The following ENTPD7 variants were observed in gnomAD, a reference collection of about 807,000 sequenced individuals.
The protein encoded by ENTPD7 is ectonucleoside triphosphate diphosphohydrolase 7.
Under a neutral mutation model 77.9 loss-of-function variants are expected in ENTPD7, and 53 were observed. That is an observed-to-expected ratio of 0.68 (90% CI 0.55 to 0.85). The LOEUF is 0.85. Ranked by LOEUF, ENTPD7 falls within the 40% of genes least tolerant of loss-of-function variation. The pLI is 0.00. For missense variants in ENTPD7, 636 were observed against 743.7 expected, an observed-to-expected ratio of 0.86 and a Z score of 1.68; for synonymous variants, 248 against 274.9, an observed-to-expected ratio of 0.90 and a Z score of 0.97.
chr10:99,683,919 C>T (rs981550965), intron 5 of ENTPD7, among the ~76,000 whole-genome samples: 1 of 152,142 alleles, frequency 6.6e-6, no homozygotes, highest in South Asian at 2.1e-4. Context: ...TGCAGTATTT[C>T]TCTTCTTTAT....
chr10:99,691,038 G>A (rs532366423), intron 7 of ENTPD7, among the ~76,000 whole-genome samples: 2 of 152,248 alleles, frequency 1.3e-5, no homozygotes, highest in Admixed American at 1.3e-4. Context: ...TGAGGCTAGA[G>A]TTTAGTGGTG....
chr10:99,691,128 A>C (rs2035877276), intron 7 of ENTPD7, among the ~76,000 whole-genome samples: 1 of 152,120 alleles, frequency 6.6e-6, no homozygotes, highest in Non-Finnish European at 1.5e-5. Flanking sequence ...CTGGGACTAC[A>C]GGTGTGCACC....
At chr10:99,686,252 G>A (rs552197481) in intron 6 of ENTPD7, among the ~76,000 whole-genome samples, 1 of 152,230 alleles carries the variant, frequency 6.6e-6, no homozygotes, top group Admixed American at 6.5e-5. Flanking sequence ...CAAATGTAAG[G>A]TAAATTATTA....
Position 99,669,829 on chromosome 10 carries a change from A to C in ENTPD7, c.191+8201A>C, listed in dbSNP as rs974932659. 2.3e-5 allele frequency among the ~76,000 whole-genome samples: 3 copies of C among 130,808 alleles called. No homozygotes were observed. In the East Asian group the frequency reaches 7.3e-4, roughly 32 times the overall value. The allele number at this position is 130,808 out of a possible 152,430, so 85.8% of individuals were successfully genotyped here. A position where few individuals can be genotyped will look rare whatever the true frequency, so the allele number is the denominator to read the frequency against. On this transcript the variant is annotated intron_variant, in intron 3 of 12. Transcript: ENST00000370489. ...CAGTGGTGCGATCTCGGCTCACTGC[A>C]AGCTCCGCCTCCCGGGTTCACGCCA...
chr10:99,665,178 G>C (rs1471175250), intron 3 of ENTPD7, among the ~76,000 whole-genome samples: 1 of 151,900 alleles, frequency 6.6e-6, no homozygotes, highest in Non-Finnish European at 1.5e-5. Flanking sequence ...CTGGAGCCTG[G>C]GGAGGTAGAG....
chr10:99,693,467 G>A (rs2035916251), intron 8 of ENTPD7, among the ~76,000 whole-genome samples: 1 of 152,134 alleles, frequency 6.6e-6, no homozygotes, highest in South Asian at 2.1e-4. Context: ...CAGGTAAAAC[G>A]AAGGCATGGA....
At chr10:99,660,385 AT>A in intron 2 of ENTPD7, 1 of 1,171,520 alleles carries the variant, frequency 8.5e-7, no homozygotes, top group Non-Finnish European at 1.1e-6. Flanking sequence ...TCCATACATT[AT>A]AATAACCTGA....
chr10:99,693,342 A>G (rs769218584), intron 8 of ENTPD7, among the ~76,000 whole-genome samples: 2 of 152,178 alleles, frequency 1.3e-5, no homozygotes, highest in Non-Finnish European at 2.9e-5. Flanking sequence ...TATCCACAGG[A>G]CTGTTGGAAA....
intron 3 of ENTPD7, among the ~76,000 whole-genome samples, chr10:99,672,277 G>T (rs969136758): frequency 6.7e-6 from 1 of 149,068 alleles, no homozygotes; most frequent in South Asian, 2.1e-4. Flanking sequence ...GAGCCACTGT[G>T]TCTGTCCCAC....
chr10:99,669,740 GTTTTTTTTTTTT>G (rs71472510), intron 3 of ENTPD7, among the ~76,000 whole-genome samples: 1 of 59,256 alleles, frequency 1.7e-5, no homozygotes, highest in Admixed American at 2.8e-4. Flanking sequence ...TAGATGTGTG[GTTTTTTTTTTTT>G]TTTTTTTTTT....
chr10:99,688,160 C>T (rs995508850), intron 6 of ENTPD7, among the ~76,000 whole-genome samples: 1 of 152,190 alleles, frequency 6.6e-6, no homozygotes, highest in Non-Finnish European at 1.5e-5. Context: ...CCTCTGTTCA[C>T]ACCTGGTGTT....
Position 99,710,066 on chromosome 10 carries a change from G to A in ENTPD7, c.*5383G>A. 2.0e-6 allele frequency: 2 copies of A among 985,430 alleles called. No homozygotes were observed. Among genetic ancestry groups the A allele is most frequent in the Non-Finnish European group, 2.4e-6 (2 of 829,930 alleles). The allele number at this position is 985,430 out of a possible 1,614,324, so 61.0% of individuals were successfully genotyped here. ...GCCACACATGCATGACTTCAGGCTA[G>A]CATAAAGACATGTCTGCTCCTGAGC... On this transcript the variant is annotated 3_prime_UTR_variant, in exon 13 of 13. Transcript: ENST00000370489.
chr10:99,675,015 G>A (rs1016116531), intron 3 of ENTPD7, among the ~76,000 whole-genome samples: 1 of 152,168 alleles, frequency 6.6e-6, no homozygotes, highest in African/African-American at 2.4e-5. Context: ...AAAAGCACTT[G>A]GGCAGTTTTT....
intron 3 of ENTPD7, among the ~76,000 whole-genome samples, 179 bp downstream of exon 3, chr10:99,661,807 T>C (rs548242589): frequency 6.6e-6 from 1 of 152,260 alleles, no homozygotes; most frequent in Non-Finnish European, 1.5e-5. Flanking sequence ...GGTACAGGAA[T>C]ACTGATACTG....
intron 3 of ENTPD7, among the ~76,000 whole-genome samples, chr10:99,663,013 G>A (rs996424162): frequency 2.6e-5 from 4 of 152,198 alleles, no homozygotes; most frequent in African/African-American, 9.7e-5. Context: ...TAACATCCAA[G>A]ATGGAGTCAC....
intron 2 of ENTPD7, chr10:99,660,541 CACACA>C (rs1293219226): frequency 2.9e-6 from 1 of 346,930 alleles, no homozygotes; most frequent in Non-Finnish European, 5.7e-6. Flanking sequence ...CACACACACA[CACACA>C]CACACACACA....
At chr10:99,669,740 GTTT>G (rs71472510) in intron 3 of ENTPD7, among the ~76,000 whole-genome samples, 5 of 59,300 alleles carry the variant, frequency 8.4e-5, no homozygotes, top group African/African-American at 1.3e-4. Flanking sequence ...TAGATGTGTG[GTTT>G]TTTTTTTTTT....
chr10:99,709,357 T>C lies in ENTPD7; in HGVS notation c.*4674T>C, dbSNP rs568331928. The stretch of plus-strand genomic sequence containing the variant: ...TAATGTTGATTGGGAATAAGAATTA[T>C]GGTAGAAATAGCAGATGTTTCAAAT... On this transcript the variant is annotated 3_prime_UTR_variant, in exon 13 of 13. Transcript: ENST00000370489. 1.3e-5 allele frequency: 13 copies of C among 985,424 alleles called. No homozygotes were observed. The African/African-American group carries it at 1.9e-4, about 15-fold the overall frequency. The allele number at this position is 985,424 out of a possible 1,614,324, so 61.0% of individuals were successfully genotyped here.
chr10:99,707,573 C>T lies in ENTPD7; in HGVS notation c.*2890C>T, dbSNP rs190639340. Reference sequence around the variant, plus strand: ...AAGATAATTATGGTGTCATAAAATTCACATTCCACTGGTTCCTTTGAATCT... The same window carrying T: ...AAGATAATTATGGTGTCATAAAATTTACATTCCACTGGTTCCTTTGAATCT... On this transcript the variant is annotated 3_prime_UTR_variant, in exon 13 of 13. Coordinates refer to ENST00000370489, the MANE Select transcript of ENTPD7 (RefSeq NM_020354.5). Among the ~76,000 whole-genome samples, 192 of 152,258 alleles carry T rather than the reference C, an allele frequency of 1.3e-3. No homozygotes were observed. The highest frequency in any genetic ancestry group is 4.4e-3 in the African/African-American group (181 of 41,552).
Sources: allele counts gnomAD v4.1 joint callset (sites outside exome capture counted in the v4.1 genomes callset), GRCh38; gene constraint gnomAD v4.1.1; transcripts MANE v1.5; gene names NCBI Gene and HGNC (gene_info 2026-07-23, HGNC 2026-07-21).